The following ST7 variants were observed in gnomAD, a reference collection of about 807,000 sequenced individuals.
The protein encoded by ST7 is suppression of tumorigenicity 7, also known as suppressor of tumorigenicity 7 protein.
A neutral mutation model predicts 78.7 loss-of-function variants in ST7; 28 were observed. The observed-to-expected ratio is 0.36, with a 90% CI of 0.26 to 0.49. ST7 has a LOEUF of 0.49. ST7 is among the 20% of genes least tolerant of loss of function. The probability of loss-of-function intolerance (pLI) is 0.99; values close to 1 mark genes in which losing one functional copy is unlikely to be tolerated. For missense variants in ST7, 418 were observed against 696.0 expected (o/e 0.60, Z 4.49); for synonymous variants, 247 against 249.6 (o/e 0.99, Z 0.10).
At chr7:117,041,738 C>G (rs951179947) in intron 1 of ST7, among the ~76,000 whole-genome samples, 36 of 152,116 alleles carry the variant, frequency 2.4e-4, no homozygotes, top group African/African-American at 8.7e-4. Flanking sequence ...GTGGTAAACA[C>G]AGTAATGGCC....
At chr7:117,065,204 C>A (rs201996722) in intron 1 of ST7, among the ~76,000 whole-genome samples, 1 of 91,824 alleles carries the variant, frequency 1.1e-5, no homozygotes, top group Non-Finnish European at 2.2e-5. Context: ...TGGTTCAAGT[C>A]TTTTTTTTTT....
At chr7:116,990,025 C>T (rs556544795) in intron 1 of ST7, among the ~76,000 whole-genome samples, 2 of 152,286 alleles carry the variant, frequency 1.3e-5, no homozygotes, top group African/African-American at 4.8e-5. Context: ...ACTGCATCCT[C>T]TGCCTCCCGG....
chr7:116,994,525 A>G (rs187466619), intron 1 of ST7, among the ~76,000 whole-genome samples: 1 of 152,336 alleles, frequency 6.6e-6, no homozygotes, highest in East Asian at 1.9e-4. Flanking sequence ...GGAAACAACT[A>G]TAAATCTTTG....
chr7:117,079,234 T>G (rs1799573528), intron 1 of ST7, among the ~76,000 whole-genome samples: 1 of 152,170 alleles, frequency 6.6e-6, no homozygotes, highest in Non-Finnish European at 1.5e-5. Context: ...AATCTAGATA[T>G]GGTTTAAAGT....
intron 10 of ST7, chr7:117,187,442 A>C (rs1394610442): frequency 6.6e-6 from 1 of 152,236 alleles, no homozygotes; most frequent in Admixed American, 6.5e-5. Flanking sequence ...AAGGTACTGT[A>C]GTCGTCATAA....
chr7:117,014,780 T>A (rs534413611), intron 1 of ST7: 1 of 360,096 alleles, frequency 2.8e-6, no homozygotes, highest in African/African-American at 2.1e-5. Context: ...ATAACAGTTA[T>A]TTTCTGAGAG....
At chr7:117,045,503 G>A (rs1276259552) in intron 1 of ST7, among the ~76,000 whole-genome samples, 1 of 152,030 alleles carries the variant, frequency 6.6e-6, no homozygotes, top group Non-Finnish European at 1.5e-5. Context: ...TTAAGTCTTT[G>A]AGCAAACGGT....
At chr7:117,051,519 G>A (rs1432718844) in intron 1 of ST7, among the ~76,000 whole-genome samples, 1 of 152,196 alleles carries the variant, frequency 6.6e-6, no homozygotes, top group Non-Finnish European at 1.5e-5. Context: ...TCCATGGTGT[G>A]GAATCTGGGG....
intron 1 of ST7, chr7:116,972,468 C>CTT (rs1337245174): frequency 1.2e-6 from 1 of 812,994 alleles, no homozygotes; most frequent in Non-Finnish European, 2.1e-6. Flanking sequence ...ACTCTGCCAG[C>CTT]TCAGTTTGTT....
chr7:116,983,042 G>T (rs926363576), intron 1 of ST7, among the ~76,000 whole-genome samples: 3 of 152,142 alleles, frequency 2.0e-5, no homozygotes, highest in Non-Finnish European at 4.4e-5. Flanking sequence ...GGGATTACAG[G>T]CATATGCCAC....
intron 1 of ST7, among the ~76,000 whole-genome samples, chr7:117,032,038 C>T (rs1482856056): frequency 1.3e-5 from 2 of 151,586 alleles, no homozygotes; most frequent in Non-Finnish European, 1.5e-5. Flanking sequence ...AATGCCACCA[C>T]GTGTGGCTAA....
chr7:117,031,386 G>A (rs13235784), intron 1 of ST7, among the ~76,000 whole-genome samples: 12,374 of 13,632 alleles, frequency 0.91, 5,652 homozygotes, highest in East Asian at 1. Context: ...GTGTATATAT[G>A]TGTATATATG....
At chr7:117,195,002 C>A (rs1332466290) in intron 12 of ST7, among the ~76,000 whole-genome samples, 1 of 152,164 alleles carries the variant, frequency 6.6e-6, no homozygotes, top group African/African-American at 2.4e-5. Flanking sequence ...CATTTTCTGA[C>A]AAGTTTCCAA....
intron 1 of ST7, among the ~76,000 whole-genome samples, chr7:117,095,123 A>G (rs1800925353): frequency 6.6e-6 from 1 of 152,150 alleles, no homozygotes; most frequent in East Asian, 1.9e-4. Flanking sequence ...TAAGGAGGCA[A>G]ACAGACTGGG....
At chr7:117,070,634 G>C (rs977597220) in intron 1 of ST7, among the ~76,000 whole-genome samples, 21 of 151,942 alleles carry the variant, frequency 1.4e-4, no homozygotes, top group Non-Finnish European at 2.8e-4. Context: ...TCCGCCTCTC[G>C]GGTTCACGCC....
chr7:117,087,865 C>T (rs1800282956), intron 1 of ST7, among the ~76,000 whole-genome samples: 1 of 152,122 alleles, frequency 6.6e-6, no homozygotes, highest in African/African-American at 2.4e-5. Flanking sequence ...GTATTATAGG[C>T]GCTCCCCTCT....
At position 117,097,908 on chromosome 7, in the gene ST7, ATTTTTT is replaced by A. The variant is rs751549285; in HGVS notation, c.152-1839_152-1834del. ...TATATATATATATATATATATATAT[ATTTTTT>A]TTTTTTTTTTTTTTGATGGCCAGGC... On this transcript the variant is annotated intron_variant, in intron 1 of 15. Transcript: ENST00000323984. Among the ~76,000 whole-genome samples, 41 of 29,998 alleles carry A rather than the reference ATTTTTT, an allele frequency of 1.4e-3. 1 individual carries two copies. The highest frequency in any genetic ancestry group is 2.2e-3 in the Admixed American group (4 of 1,808). The allele number at this position is 29,998 out of a possible 152,430, so 19.7% of individuals were successfully genotyped here.
At chr7:116,962,033 GT>G (rs1792862753) in intron 1 of ST7, among the ~76,000 whole-genome samples, 1 of 151,956 alleles carries the variant, frequency 6.6e-6, no homozygotes, top group Non-Finnish European at 1.5e-5. Context: ...AGAACATGCA[GT>G]GTTTGGTTTT....
At chr7:117,178,753 A>C (rs1252161627) in intron 10 of ST7, among the ~76,000 whole-genome samples, 1 of 152,210 alleles carries the variant, frequency 6.6e-6, no homozygotes, top group Non-Finnish European at 1.5e-5. Context: ...AAACTGTTCT[A>C]TCCTGTCTAA....
Sources: gnomAD v4.1 joint callset for allele counts (sites outside exome capture counted in the v4.1 genomes callset) on GRCh38, gnomAD v4.1.1 for gene constraint, MANE v1.5 for transcripts, NCBI Gene and HGNC (gene_info 2026-07-23, HGNC 2026-07-21) for gene names.